GADD45GIP1: variants seen among roughly 807,000 people sequenced by gnomAD.
GADD45GIP1 encodes the protein large ribosomal subunit protein mL64.
GADD45GIP1 carries 17 observed loss-of-function variants against 22.1 expected under a neutral mutation model. That is an observed-to-expected ratio of 0.77 (90% CI 0.53 to 1.15). The LOEUF (loss-of-function observed/expected upper bound fraction) is 1.15. GADD45GIP1 is among the 50% of genes most tolerant of loss of function. The pLI, the probability that GADD45GIP1 is intolerant of heterozygous loss-of-function variation, is 0.00. For synonymous variants in GADD45GIP1, 135 were observed against 138.4 expected (o/e 0.98, Z 0.17); for missense variants, 294 against 314.0 (o/e 0.94, Z 0.48).
chr19:12,954,330 C>G lies in GADD45GIP1; in HGVS notation c.547G>C (p.Glu183Gln), dbSNP rs1568456413. 2 of 1,614,212 alleles carry G rather than the reference C, an allele frequency of 1.2e-6. No homozygotes were observed. The highest frequency in any genetic ancestry group is 1.1e-5 in the South Asian group (1 of 91,086). The change falls in exon 2 of 2, where the codon GAG becomes CAG. Residue 183 changes from glutamate to glutamine, a missense_variant. By Grantham distance (29) the Glu-to-Gln change is conservative (BLOSUM62 2). Coordinates refer to ENST00000316939, the MANE Select transcript of GADD45GIP1 (RefSeq NM_052850.4). ...ARFQELLQDL[E>Q]KKERKRLKEE... The stretch of plus-strand genomic sequence containing the variant: ...TTGAGGCGCTTGCGCTCCTTCTTCT[C>G]TAGGTCCTGGAGCAGCTCCTGGAAG...
rs1028887927 is a variant in GADD45GIP1, at chr19:12,954,676, AG to A, written c.351-151del. On this transcript the variant is annotated intron_variant, in intron 1 of 1. Transcript: ENST00000316939. The stretch of plus-strand genomic sequence containing the variant: ...GTCAGGAAAAGCCCTTGACAAGTGA[AG>A]AAACAGGAAGAGATGATGAGAAAGT... 16 of 627,102 alleles carry A rather than the reference AG, an allele frequency of 2.6e-5. No homozygotes were observed. The African/African-American group carries it at 2.9e-4, about 12-fold the overall frequency. The allele number at this position is 627,102 out of a possible 1,614,324, so 38.8% of individuals were successfully genotyped here.
rs778491961 is a variant in GADD45GIP1 at position 12,957,073 on chromosome 19, G to C, written c.140C>G (p.Thr47Ser). 2 of 1,553,402 alleles carry C rather than the reference G, an allele frequency of 1.3e-6. No individual in the cohort carries two copies. The highest frequency in any genetic ancestry group is 1.7e-6 in the Non-Finnish European group (2 of 1,158,698). Residue 47 changes from threonine (T) to serine (S), a missense_variant, in exon 1 of 2, where the codon ACC becomes AGC. Thr to Ser is a moderately conservative substitution (Grantham distance 58). Coordinates refer to ENST00000316939, the MANE Select transcript of GADD45GIP1 (RefSeq NM_052850.4). ...GCGCGGTCCCAGCTGCCACCGCGGG[G>C]TCAGGAGGTCCTCGGGGTCTGGCCA... ...PRWPDPEDLL[T>S]PRWQLGPRYA...
Position 12,957,185 on chromosome 19 carries a change from T to A in GADD45GIP1, c.28A>T (p.Ser10Cys). 7.1e-7 allele frequency: 1 copy of A among 1,405,666 alleles called. No individual in the cohort carries two copies. Among genetic ancestry groups the A allele is most frequent in the Non-Finnish European group, 9.2e-7 (1 of 1,090,480 alleles). The allele number at this position is 1,405,666 out of a possible 1,614,324, so 87.1% of individuals were successfully genotyped here. Residue 10 changes from serine (S) to cysteine (C), a missense_variant, in exon 1 of 2, where the codon AGC becomes TGC. Ser to Cys is a moderately radical substitution (Grantham distance 112). Coordinates refer to ENST00000316939, the MANE Select transcript of GADD45GIP1 (RefSeq NM_052850.4). ...AGGGTCGCCGCCACACCTAGTAGGC[T>A]GCGTGCCTGTCGCACGGACGCCGCC... is the stretch of plus-strand genomic sequence containing the variant. MAASVRQAR[S>C]LLGVAATLAP...
chr19:12,956,902 C>T lies in GADD45GIP1; in HGVS notation c.311G>A (p.Arg104Gln), dbSNP rs1365019603. ...PSLATMQESL[R>Q]VKQLAEEQKR... ...CTGCTCTTCGGCCAGCTGCTTCACCCGCAGCGACTCCTGCATGGTCGCCAG... is the reference window on the plus strand; with the variant it reads ...CTGCTCTTCGGCCAGCTGCTTCACCTGCAGCGACTCCTGCATGGTCGCCAG... The change falls in exon 1 of 2, where the codon CGG becomes CAG. Residue 104 changes from arginine (R) to glutamine (Q), a missense_variant. Transcript: ENST00000316939. 5 of 1,599,662 alleles carry T rather than the reference C, an allele frequency of 3.1e-6. No individual in the cohort carries two copies. The African/African-American group carries it at 4.0e-5, about 13-fold the overall frequency.
At chr19:12,956,298 G>A (rs1019724626) in intron 1 of GADD45GIP1, among the ~76,000 whole-genome samples, 4 of 152,220 alleles carry the variant, frequency 2.6e-5, no homozygotes, top group African/African-American at 9.6e-5. Context: ...TGGGATTACA[G>A]GCACGAGCCA....
chr19:12,957,133 G>C lies in GADD45GIP1; in HGVS notation c.80C>G (p.Ala27Gly). 1.4e-6 allele frequency: 2 copies of C among 1,412,634 alleles called. No individual in the cohort carries two copies. The highest frequency in any genetic ancestry group is 1.8e-6 in the Non-Finnish European group (2 of 1,096,266). The allele number at this position is 1,412,634 out of a possible 1,614,324, so 87.5% of individuals were successfully genotyped here. ...TLAPGSRGYRARPPPRRRPGP... is the reference protein window; with the variant it reads ...TLAPGSRGYRGRPPPRRRPGP... ...CGGCCTGCGGCGCGGGGGCGGCCGC[G>C]CCCGGTAGCCACGGGAACCCGGGGC... The change falls in exon 1 of 2, where the codon GCG becomes GGG. Residue 27 changes from alanine (A) to glycine (G), a missense_variant. Coordinates refer to ENST00000316939, the MANE Select transcript of GADD45GIP1 (RefSeq NM_052850.4).
Position 12,957,184 on chromosome 19 carries a change from C to G in GADD45GIP1, c.29G>C (p.Ser10Thr). 1.4e-6 allele frequency: 2 copies of G among 1,406,512 alleles called. No homozygotes were observed. Among genetic ancestry groups the G allele is most frequent in the Non-Finnish European group, 1.8e-6 (2 of 1,091,014 alleles). 87.1% of individuals were successfully genotyped at this position (1,406,512 alleles called of 1,614,324 possible). A position where few individuals can be genotyped will look rare whatever the true frequency, so the allele number is the denominator to read the frequency against. MAASVRQAR[S>T]LLGVAATLAP... ...CAGGGTCGCCGCCACACCTAGTAGG[C>G]TGCGTGCCTGTCGCACGGACGCCGC... The change falls in exon 1 of 2, where the codon AGC (serine) becomes ACC (threonine). Residue 10 changes from serine to threonine, a missense_variant. Physicochemically the swap from Ser to Thr is moderately conservative, Grantham distance 58. Coordinates refer to ENST00000316939, the MANE Select transcript of GADD45GIP1 (RefSeq NM_052850.4).
At chr19:12,955,904 T>C (rs771695696) in intron 1 of GADD45GIP1, among the ~76,000 whole-genome samples, 2 of 152,174 alleles carry the variant, frequency 1.3e-5, no homozygotes, top group Non-Finnish European at 2.9e-5. Flanking sequence ...CCTTCAGACC[T>C]GCCTCTGTAT....
rs1199694689 is a variant in GADD45GIP1, at chr19:12,953,948, A to T, written c.*260T>A. ...AATTACTGGAGATGAATGTTGGTAA[A>T]CAGAAGCCTTCTTCTCTTCTGCCAT... On this transcript the variant is annotated 3_prime_UTR_variant, in exon 2 of 2. Coordinates refer to ENST00000316939, the MANE Select transcript of GADD45GIP1 (RefSeq NM_052850.4). 1 of 466,004 alleles carries T rather than the reference A, an allele frequency of 2.1e-6. No individual in the cohort carries two copies. The highest frequency in any genetic ancestry group is 3.8e-6 in the Non-Finnish European group (1 of 262,016). 28.9% of individuals were successfully genotyped at this position (466,004 alleles called of 1,614,324 possible). A position where few individuals can be genotyped will look rare whatever the true frequency, so the allele number is the denominator to read the frequency against.
At chr19:12,956,714 CTGAG>C in intron 1 of GADD45GIP1, 145 bp downstream of exon 1, 1 of 650,826 alleles carries the variant, frequency 1.5e-6, no homozygotes, top group South Asian at 1.8e-5. Context: ...GGACGTTATT[CTGAG>C]TTTGTTTTGC....
intron 1 of GADD45GIP1, 31 bp downstream of exon 1, chr19:12,956,832 G>A (rs763875653): frequency 7.0e-6 from 11 of 1,580,730 alleles, no homozygotes; most frequent in Non-Finnish European, 9.4e-6. Flanking sequence ...GGGCACAGAG[G>A]GCAGCCCCGC....
Position 12,953,174 on chromosome 19 carries a change from A to G in GADD45GIP1, c.*1034T>C. On this transcript the variant is annotated 3_prime_UTR_variant, in exon 2 of 2. Transcript: ENST00000316939. ...GGAAAAAAAAATCAAAAATCTTAAA[A>G]AAACAAGCAAACAGTCCAGCTTCCT... 1.4e-6 allele frequency: 1 copy of G among 701,416 alleles called. No homozygotes were observed. 43.4% of individuals were successfully genotyped at this position (701,416 alleles called of 1,614,324 possible).
chr19:12,955,418 C>T (rs1971911471), intron 1 of GADD45GIP1, among the ~76,000 whole-genome samples: 2 of 152,208 alleles, frequency 1.3e-5, no homozygotes, highest in African/African-American at 4.8e-5. Flanking sequence ...CATGACTTCA[C>T]TTCACCAAGC....
chr19:12,954,478 C>G lies in GADD45GIP1; in HGVS notation c.399G>C (p.Val133=). The part of the protein sequence containing the change: ...ECMAKMPQMI[V]NWQQQQRENW... ...TCTCCCGCTGCTGCTGCTGCCAGTT[C>G]ACAATCATCTGTGGCATCTTGGCCA... The change falls in exon 2 of 2, where the codon GTG becomes GTC. Residue 133 remains valine (V), a synonymous_variant. Coordinates refer to ENST00000316939, the MANE Select transcript of GADD45GIP1 (RefSeq NM_052850.4). The G allele has an allele frequency of 1.9e-6, 3 of 1,614,154 alleles. No individual in the cohort carries two copies. Among genetic ancestry groups the G allele is most frequent in the Non-Finnish European group, 2.5e-6 (3 of 1,180,010 alleles).
chr19:12,953,120 A>T lies in GADD45GIP1; in HGVS notation c.*1088T>A. ...ATGAAAGTTTTATAAAAGAAAAAAT[A>T]TATATATATTCATGTTTATTTAAGA... On this transcript the variant is annotated 3_prime_UTR_variant, in exon 2 of 2. Transcript: ENST00000316939. The T allele has an allele frequency of 1.0e-6, 1 of 992,118 alleles. No homozygotes were observed. Among genetic ancestry groups the T allele is most frequent in the Non-Finnish European group, 1.5e-6 (1 of 670,584 alleles). 61.5% of individuals were successfully genotyped at this position (992,118 alleles called of 1,614,324 possible).
rs570862888 is a variant in GADD45GIP1 at position 12,956,738 on chromosome 19, A to G, written c.350+125T>C. Reference sequence around the variant, plus strand: ...TCTGAGTTTGTTTTGCGGCCAGGTGAGCGTATACATAAATCTACAACATGC... The same window carrying G: ...TCTGAGTTTGTTTTGCGGCCAGGTGGGCGTATACATAAATCTACAACATGC... On this transcript the variant is annotated intron_variant, in intron 1 of 1. Coordinates refer to ENST00000316939, the MANE Select transcript of GADD45GIP1 (RefSeq NM_052850.4). 13 of 751,252 alleles carry G rather than the reference A, an allele frequency of 1.7e-5. No homozygotes were observed. In the South Asian group the frequency reaches 2.1e-4, roughly 12 times the overall value. 46.5% of individuals were successfully genotyped at this position (751,252 alleles called of 1,614,324 possible).
At chr19:12,954,987 A>G (rs1451398006) in intron 1 of GADD45GIP1, among the ~76,000 whole-genome samples, 1 of 152,178 alleles carries the variant, frequency 6.6e-6, no homozygotes, top group East Asian at 1.9e-4. Context: ...CAGGGGTACA[A>G]GTGCAGGTTT....
chr19:12,954,669 C>A (rs1416185760), intron 1 of GADD45GIP1, 143 bp from the exon 2 acceptor site: 1 of 642,516 alleles, frequency 1.6e-6, no homozygotes. Context: ...AAGCCCTTGA[C>A]AAGTGAAGAA....
intron 1 of GADD45GIP1, 136 bp from the exon 2 acceptor site, chr19:12,954,662 C>T (rs1971901828): frequency 1.5e-6 from 1 of 662,952 alleles, no homozygotes; most frequent in Non-Finnish European, 2.5e-6. Flanking sequence ...TCAGGAAAAG[C>T]CCTTGACAAG....
Sources: gnomAD v4.1 joint callset for allele counts (sites outside exome capture counted in the v4.1 genomes callset) on GRCh38, gnomAD v4.1.1 for gene constraint, MANE v1.5 for transcripts, NCBI Gene and HGNC (gene_info 2026-07-23, HGNC 2026-07-21) for gene names.